ZNF454: variants seen among roughly 807,000 people sequenced by gnomAD.
ZNF454 encodes zinc finger protein 454.
In ZNF454, 30 loss-of-function variants were observed where a neutral mutation model predicts 48.2. That is an observed-to-expected ratio of 0.62 (90% CI 0.47 to 0.84). The LOEUF (loss-of-function observed/expected upper bound fraction) is 0.84. Among genes scored for constraint, ZNF454 ranks in the 40% least tolerant of loss-of-function variants. ZNF454 has a pLI of 0.00. For missense variants in ZNF454, 510 were observed against 623.1 expected (o/e 0.82, Z 1.93); for synonymous variants, 204 against 211.4 (o/e 0.97, Z 0.30).
the ZNF454 span, among the ~76,000 whole-genome samples, chr5:178,987,847 C>T: frequency 6.6e-6 from 1 of 151,224 alleles, no homozygotes; most frequent in Non-Finnish European, 1.5e-5. Context: ...GCAACCTCTG[C>T]CTCCCGGGTT....
chr5:178,988,596 C>T, the ZNF454 span, among the ~76,000 whole-genome samples: 4 of 152,166 alleles, frequency 2.6e-5, no homozygotes, highest in Non-Finnish European at 5.9e-5. The surrounding 1 kb of genome is among the most constrained non-coding windows in gnomAD (Gnocchi z 6.0). Flanking sequence ...TTAACTGTGC[C>T]CCACGTGCAC....
the ZNF454 span, chr5:178,985,226 C>G: frequency 2.2e-6 from 1 of 454,738 alleles, no homozygotes; most frequent in Non-Finnish European, 4.4e-6. Context: ...ATATGTGAGC[C>G]AAATTGTAGA....
At chr5:178,952,449 G>A (rs1759597633) in intron 4 of ZNF454, among the ~76,000 whole-genome samples, 1 of 152,152 alleles carries the variant, frequency 6.6e-6, no homozygotes, top group Non-Finnish European at 1.5e-5. Context: ...TAGGAGCTCT[G>A]TCTGTATTTA....
At chr5:178,954,980 A>C (rs1323450186) in intron 4 of ZNF454, among the ~76,000 whole-genome samples, 1 of 152,190 alleles carries the variant, frequency 6.6e-6, no homozygotes, top group Non-Finnish European at 1.5e-5. Context: ...AGTTGCTTTC[A>C]GTTTTGGGCT....
chr5:178,977,495 T>G, the ZNF454 span: 1 of 448,072 alleles, frequency 2.2e-6, no homozygotes. Context: ...ATGGTACTCT[T>G]TTATAGCAGC....
At chr5:178,955,981 A>C (rs767046237) in intron 4 of ZNF454, among the ~76,000 whole-genome samples, 34 of 152,182 alleles carry the variant, frequency 2.2e-4, no homozygotes, top group Non-Finnish European at 4.3e-4. Context: ...CCAGGGACTA[A>C]ACTGGGGCAT....
At chr5:178,976,788 GA>G in the ZNF454 span, among the ~76,000 whole-genome samples, 1 of 152,204 alleles carries the variant, frequency 6.6e-6, no homozygotes, top group Non-Finnish European at 1.5e-5. Flanking sequence ...GCATGGGCAA[GA>G]CAAGGTCTGT....
intron 4 of ZNF454, among the ~76,000 whole-genome samples, chr5:178,952,106 C>T (rs970157149): frequency 2.7e-5 from 4 of 149,886 alleles, no homozygotes; most frequent in African/African-American, 7.4e-5. Context: ...GGCGCGATCT[C>T]GGCTCACTGC....
At chr5:178,985,210 G>A in the ZNF454 span, 5 of 453,362 alleles carry the variant, frequency 1.1e-5, no homozygotes, top group Non-Finnish European at 1.8e-5. Flanking sequence ...TCTTTGACCT[G>A]TTTCCATATG....
At chr5:178,985,675 C>G in the ZNF454 span, 52 of 398,042 alleles carry the variant, frequency 1.3e-4, no homozygotes, top group Non-Finnish European at 1.6e-4. Context: ...TGCACTCCAG[C>G]CTGGGCGACA....
At chr5:178,942,962 C>A in intron 2 of ZNF454, 138 bp downstream of exon 2, 1 of 850,792 alleles carries the variant, frequency 1.2e-6, no homozygotes, top group Non-Finnish European at 1.8e-6. Context: ...CCAACCAACA[C>A]CCTCCAACCC....
chr5:178,970,024 C>T (rs75196491), downstream of ZNF454, among the ~76,000 whole-genome samples: 571 of 152,310 alleles, frequency 3.7e-3, 8 homozygotes, highest in East Asian at 0.056. Context: ...TAAGACGTTA[C>T]CTTCCTCCAT....
At chr5:178,947,478 C>T (rs938984408) in intron 4 of ZNF454, among the ~76,000 whole-genome samples, 2 of 152,200 alleles carry the variant, frequency 1.3e-5, no homozygotes, top group African/African-American at 2.4e-5. Context: ...TTATCTTCTA[C>T]GTTTTGCTGG....
chr5:178,961,379 T>A (rs1175378731), intron 4 of ZNF454, among the ~76,000 whole-genome samples: 1 of 151,834 alleles, frequency 6.6e-6, no homozygotes. Flanking sequence ...ACTTTTATTG[T>A]GCCATTTTCA....
intron 4 of ZNF454, among the ~76,000 whole-genome samples, chr5:178,952,162 C>T (rs1225092126): frequency 6.6e-6 from 1 of 151,922 alleles, no homozygotes; most frequent in Non-Finnish European, 1.5e-5. Context: ...CTCAGCCTCC[C>T]GAGTAGCTGG....
At chr5:178,977,959 T>G in the ZNF454 span, among the ~76,000 whole-genome samples, 3 of 152,360 alleles carry the variant, frequency 2.0e-5, no homozygotes, top group South Asian at 6.2e-4. Context: ...CTGGTCAGTT[T>G]CTTCTTATCA....
the ZNF454 span, among the ~76,000 whole-genome samples, chr5:178,984,746 C>T: frequency 4.1e-4 from 62 of 152,246 alleles, no homozygotes; most frequent in Admixed American, 7.2e-4. Context: ...CTCCTAGTCA[C>T]GGAGAACTGC....
intron 4 of ZNF454, among the ~76,000 whole-genome samples, chr5:178,958,125 A>G (rs1049761125): frequency 3.3e-5 from 5 of 152,226 alleles, no homozygotes; most frequent in South Asian, 4.1e-4. Flanking sequence ...ACTGTTTTCT[A>G]TATACATCTT....
chr5:178,985,813 T>C, the ZNF454 span: 104 of 517,896 alleles, frequency 2.0e-4, no homozygotes, highest in African/African-American at 1.7e-3. Flanking sequence ...CCAAGCTGGA[T>C]TGTAGTGGTG....
Sources: gnomAD v4.1 joint callset for allele counts (sites outside exome capture counted in the v4.1 genomes callset) on GRCh38, gnomAD v4.1.1 for gene constraint, Gnocchi (gnomAD v3.1) non-coding constraint, MANE v1.5 for transcripts, NCBI Gene and HGNC (gene_info 2026-07-23, HGNC 2026-07-21) for gene names.